The following TUT4 variants were observed in gnomAD, a reference collection of about 807,000 sequenced individuals.
TUT4 encodes the protein terminal uridylyl transferase 4.
TUT4 carries 36 observed loss-of-function variants against 192.2 expected under a neutral mutation model. The ratio of observed to expected loss-of-function variants is 0.19; its 90% CI spans 0.14 to 0.25. The LOEUF (loss-of-function observed/expected upper bound fraction) is 0.25, where lower values mean the gene tolerates loss of function less well. TUT4 is among the 10% of genes least tolerant of loss of function. The pLI is 1.00. For synonymous variants in TUT4, 618 were observed against 666.0 expected (o/e 0.93, Z 1.11); for missense variants, 1,493 against 1,957.2 (o/e 0.76, Z 4.47).
chr1:52,513,336 T>A (rs1677773924), intron 3 of TUT4, among the ~76,000 whole-genome samples: 1 of 132,504 alleles, frequency 7.5e-6, no homozygotes, highest in African/African-American at 3.1e-5. Context: ...AAGGCTGCAA[T>A]GAGCCATTAC....
intron 22 of TUT4, 49 bp from the exon 23 acceptor site, chr1:52,446,053 A>G (rs1657436078): frequency 1.3e-6 from 2 of 1,542,614 alleles, no homozygotes; most frequent in African/African-American, 2.8e-5. Context: ...ACTGTACCAT[A>G]AAAATATACT....
chr1:52,492,479 T>C (rs1486113561), intron 7 of TUT4, among the ~76,000 whole-genome samples: 1 of 152,018 alleles, frequency 6.6e-6, no homozygotes, highest in Non-Finnish European at 1.5e-5. Flanking sequence ...AAACTATAGT[T>C]TAGCCTATCT....
chr1:52,439,720 TGAAAAG>T (rs1215410678), intron 24 of TUT4, among the ~76,000 whole-genome samples: 48 of 152,214 alleles, frequency 3.2e-4, no homozygotes, highest in Admixed American at 2.6e-3. Context: ...AACAGTTCCT[TGAAAAG>T]TTAAACATAA....
At chr1:52,509,774 A>C in intron 3 of TUT4, 62 bp from the exon 4 acceptor site, 1 of 906,616 alleles carries the variant, frequency 1.1e-6, no homozygotes, top group Non-Finnish European at 1.8e-6. Flanking sequence ...ACTATTGACT[A>C]TATAAGTGAA....
rs768427204 is a variant in TUT4, at chr1:52,495,389, T to G, written c.1266+38A>C. 6 of 1,268,976 alleles carry G rather than the reference T, an allele frequency of 4.7e-6. No homozygotes were observed. The Admixed American group carries it at 7.6e-5, about 16-fold the overall frequency. The allele number at this position is 1,268,976 out of a possible 1,614,324, so 78.6% of individuals were successfully genotyped here. A position where few individuals can be genotyped will look rare whatever the true frequency, so the allele number is the denominator to read the frequency against. On this transcript the variant is annotated intron_variant, in intron 6 of 29. Coordinates refer to ENST00000257177, the MANE Select transcript of TUT4 (RefSeq NM_001009881.3). ...ATAATCCATAAAAATTACTAAGTAC[T>G]AGTTAAGAACCACACAGGAAAGATT...
At chr1:52,476,875 C>T (rs984424088) in intron 12 of TUT4, among the ~76,000 whole-genome samples, 3 of 152,252 alleles carry the variant, frequency 2.0e-5, no homozygotes, top group East Asian at 1.9e-4. Context: ...TTCTTATCTA[C>T]AAAAGGTAAG....
intron 9 of TUT4, among the ~76,000 whole-genome samples, chr1:52,483,763 T>C (rs1175299639): frequency 2.0e-5 from 3 of 152,114 alleles, no homozygotes; most frequent in Non-Finnish European, 2.9e-5. Flanking sequence ...TGAGCTGAGA[T>C]TGCGCCACTA....
At position 52,502,179 on chromosome 1, in the gene TUT4, C is replaced by A. The variant is rs139421030; in HGVS notation, c.1000-4996G>T. 2.3e-3 allele frequency among the ~76,000 whole-genome samples: 343 copies of A among 150,520 alleles called. 2 individuals carry two copies. The highest frequency in any genetic ancestry group is 8.2e-3 in the African/African-American group (335 of 40,908). ...AAAAACCTTCAATGCGCCGGTAAGA[C>A]AATGCAACATGTTCTTAACATGGAA... On this transcript the variant is annotated intron_variant, in intron 4 of 29. Coordinates refer to ENST00000257177, the MANE Select transcript of TUT4 (RefSeq NM_001009881.3).
At chr1:52,451,199 G>C (rs933038656) in intron 20 of TUT4, among the ~76,000 whole-genome samples, 1 of 151,536 alleles carries the variant, frequency 6.6e-6, no homozygotes, top group Non-Finnish European at 1.5e-5. Context: ...CTGGGATGTG[G>C]AGCTTGCAGT....
In TUT4 at chr1:52,474,966, C is replaced by T. The variant is rs1666721607; in HGVS notation, c.2593G>A (p.Val865Met). Reference sequence around the variant, plus strand: ...GAGGTAGCAGATGTGTCGGTGCACACACTCTGATGTGAACTCTCTGTTTCT... The same window carrying T: ...GAGGTAGCAGATGTGTCGGTGCACATACTCTGATGTGAACTCTCTGTTTCT... ...NLETESSHQS[V>M]CTDTSATSCN... Residue 865 changes from valine (V) to methionine (M), a missense_variant, in exon 13 of 30, where the codon GTG becomes ATG. Physicochemically the swap from Val to Met is conservative, Grantham distance 21. Coordinates refer to ENST00000257177, the MANE Select transcript of TUT4 (RefSeq NM_001009881.3). 6.2e-7 allele frequency: 1 copy of T among 1,614,194 alleles called. No homozygotes were observed. The highest frequency in any genetic ancestry group is 8.5e-7 in the Non-Finnish European group (1 of 1,180,028).
chr1:52,449,072 C>A (rs946217321), intron 20 of TUT4, among the ~76,000 whole-genome samples: 2 of 151,944 alleles, frequency 1.3e-5, no homozygotes, highest in Admixed American at 6.6e-5. Context: ...CTTTTACACA[C>A]ACACACACAC....
chr1:52,509,546 G>T (rs1287003445), intron 4 of TUT4, 50 bp downstream of exon 4: 9 of 1,029,748 alleles, frequency 8.7e-6, no homozygotes, highest in African/African-American at 8.2e-5. Context: ...TATTCAATAT[G>T]GTTTTACAAC....
rs187118257 is a variant in TUT4 at position 52,447,079 on chromosome 1, T to C, written c.3436-412A>G. Among the ~76,000 whole-genome samples the C allele has an allele frequency of 1.8e-3, 270 of 152,194 alleles. 1 individual carries two copies. The highest frequency in any genetic ancestry group is 2.8e-3 in the Non-Finnish European group (188 of 68,002). ...CACCCAAAGGAAGGCAACAGAACTG[T>C]TTTGGGACCTAGTACCTTTAATCAT... On this transcript the variant is annotated intron_variant, in intron 20 of 29. Transcript: ENST00000257177.
chr1:52,515,619 T>C, intron 3 of TUT4: 1 of 554,462 alleles, frequency 1.8e-6, no homozygotes, highest in Non-Finnish European at 3.2e-6. Flanking sequence ...AGGTGTATTT[T>C]AACCCATTCA....
At position 52,471,536 on chromosome 1, in the gene TUT4, G is replaced by A. The variant is rs546923814; in HGVS notation, c.2878+416C>T. Among the ~76,000 whole-genome samples the A allele has an allele frequency of 9.9e-5, 15 of 152,252 alleles. No homozygotes were observed. The Middle Eastern group carries it at 0.014, about 138-fold the overall frequency. ...CTCATCTATAGTGTTATCCAAGAAC[G>A]CTGCAGTGATGAAAATGTTCTCTAT... On this transcript the variant is annotated intron_variant, in intron 14 of 29. Transcript: ENST00000257177.
At chr1:52,549,797 G>GA (rs140197850) in intron 1 of TUT4, among the ~76,000 whole-genome samples, 4,523 of 150,174 alleles carry the variant, frequency 0.03, 99 homozygotes, top group Non-Finnish European at 0.044. Context: ...CTGAACGAGT[G>GA]AAAAAAAAAT....
At chr1:52,438,453 T>C in intron 24 of TUT4, 118 bp from the exon 25 acceptor site, 2 of 655,710 alleles carry the variant, frequency 3.1e-6, no homozygotes, top group Non-Finnish European at 5.2e-6. Context: ...CAGCAACAAA[T>C]ATTTCACTGT....
At chr1:52,437,428 G>A (rs1654126490) in intron 25 of TUT4, 1 of 154,816 alleles carries the variant, frequency 6.5e-6, no homozygotes. Context: ...CAGAACCTGG[G>A]AGACTATAAT....
chr1:52,486,890 A>G (rs1669926077), intron 9 of TUT4, among the ~76,000 whole-genome samples: 1 of 152,216 alleles, frequency 6.6e-6, no homozygotes. Flanking sequence ...AGTATCATTT[A>G]TAATCTTCTA....
Sources: allele counts gnomAD v4.1 joint callset (sites outside exome capture counted in the v4.1 genomes callset), GRCh38; gene constraint gnomAD v4.1.1; transcripts MANE v1.5; gene names NCBI Gene and HGNC (gene_info 2026-07-23, HGNC 2026-07-21).